Variants in HNRNPM observed in about 807,000 individuals in gnomAD.
The protein encoded by HNRNPM is CEA receptor.
HNRNPM carries 11 observed loss-of-function variants against 73.1 expected under a neutral mutation model. The observed-to-expected ratio is 0.15, with a 90% confidence interval of 0.09 to 0.25. The LOEUF (loss-of-function observed/expected upper bound fraction) is 0.25, where lower values mean the gene tolerates loss of function less well. HNRNPM is among the 10% of genes least tolerant of loss of function. HNRNPM has a pLI of 1.00. For missense variants in HNRNPM, 789 were observed against 1,067.9 expected, an observed-to-expected ratio of 0.74 and a Z score of 3.64; for synonymous variants, 407 against 355.2, an observed-to-expected ratio of 1.15 and a Z score of -1.64.
intron 7 of HNRNPM, among the ~76,000 whole-genome samples, chr19:8,466,703 G>A (rs896086731): frequency 4.6e-5 from 7 of 151,936 alleles, no homozygotes; most frequent in African/African-American, 1.5e-4. Context: ...GTGGGTGCCT[G>A]TAATCCCAGC....
chr19:8,476,606 A>G (rs917613138), intron 12 of HNRNPM, among the ~76,000 whole-genome samples: 3 of 151,512 alleles, frequency 2.0e-5, no homozygotes, highest in African/African-American at 7.3e-5. Context: ...TCAAAAACTG[A>G]CTGTAGTGAG....
At chr19:8,456,715 T>C (rs1419610608) in intron 2 of HNRNPM, among the ~76,000 whole-genome samples, 1 of 152,192 alleles carries the variant, frequency 6.6e-6, no homozygotes, top group African/African-American at 2.4e-5. Context: ...ATTTTGACCA[T>C]GACATGCAAG....
intron 9 of HNRNPM, among the ~76,000 whole-genome samples, 182 bp from the exon 10 acceptor site, chr19:8,471,144 C>T (rs898241628): frequency 4.7e-5 from 7 of 148,052 alleles, no homozygotes; most frequent in South Asian, 4.2e-4. Context: ...TCCCAAACGC[C>T]GGAACAAGGC....
At chr19:8,461,852 G>A (rs1235181530) in intron 2 of HNRNPM, 1 of 152,170 alleles carries the variant, frequency 6.6e-6, no homozygotes, top group Non-Finnish European at 1.5e-5. Flanking sequence ...CTCTACAGAT[G>A]TGGAGCCTAG....
chr19:8,448,737 C>T (rs1353137506), intron 1 of HNRNPM, among the ~76,000 whole-genome samples: 1 of 151,402 alleles, frequency 6.6e-6, no homozygotes, highest in Non-Finnish European at 1.5e-5. Flanking sequence ...CCCGTCTTGG[C>T]CTCCCAAAGT....
chr19:8,455,595 G>C lies in HNRNPM; in HGVS notation c.283+21G>C, dbSNP rs371840435. 1.3e-5 allele frequency: 21 copies of C among 1,600,066 alleles called. No individual in the cohort carries two copies. The African/African-American group carries it at 2.3e-4, about 17-fold the overall frequency. On this transcript the variant is annotated intron_variant, in intron 2 of 15. Coordinates refer to ENST00000325495, the MANE Select transcript of HNRNPM (RefSeq NM_005968.5). ...AAAAGGTAATGGTACTGGTGATTGA[G>C]TAGGGTGAGAAGGTTGGTGTGTCAT...
At chr19:8,447,297 T>C (rs1219927177) in intron 1 of HNRNPM, among the ~76,000 whole-genome samples, 1 of 143,646 alleles carries the variant, frequency 7.0e-6, no homozygotes. Flanking sequence ...CTTAAGGAAA[T>C]CTCTTTAGAA....
intron 9 of HNRNPM, among the ~76,000 whole-genome samples, chr19:8,470,918 GT>G (rs1165089397): frequency 6.6e-6 from 1 of 152,130 alleles, no homozygotes; most frequent in Non-Finnish European, 1.5e-5. Flanking sequence ...TGATTGGCTG[GT>G]TTGTAACGTG....
chr19:8,472,483 A>AC (rs763053830), intron 10 of HNRNPM, among the ~76,000 whole-genome samples: 2 of 152,066 alleles, frequency 1.3e-5, no homozygotes, highest in Non-Finnish European at 2.9e-5. Flanking sequence ...AAACACACAC[A>AC]CCCCATGTCT....
chr19:8,462,084 C>T lies in HNRNPM; in HGVS notation c.284-445C>T, dbSNP rs1599776672. ...GCCTGTGAGCTTATACCTTCGCATA[C>T]GTGCGTCCTTGTATTTATAGCATGT... On this transcript the variant is annotated intron_variant, in intron 2 of 15. Transcript: ENST00000325495. The surrounding 1 kb of genome is among the most constrained non-coding windows in gnomAD (Gnocchi z 4.5). 1 of 173,146 alleles carries T rather than the reference C, an allele frequency of 5.8e-6. No homozygotes were observed. The highest frequency in any genetic ancestry group is 2.4e-5 in the African/African-American group (1 of 42,366). The allele number at this position is 173,146 out of a possible 1,614,324, so 10.7% of individuals were successfully genotyped here.
chr19:8,477,660 CAAAAAAAAAA>C (rs35193948), intron 12 of HNRNPM, among the ~76,000 whole-genome samples: 4 of 117,082 alleles, frequency 3.4e-5, no homozygotes, highest in African/African-American at 1.5e-4. Context: ...AACCCTGTCT[CAAAAAAAAAA>C]AAAAAAAAAA....
intron 7 of HNRNPM, among the ~76,000 whole-genome samples, chr19:8,466,902 G>A (rs1420594909): frequency 6.6e-6 from 1 of 150,984 alleles, no homozygotes; most frequent in Non-Finnish European, 1.5e-5. Context: ...AGAGGGGATG[G>A]TTACAACATG....
chr19:8,468,216 TATA>T (rs1457190284), intron 8 of HNRNPM, among the ~76,000 whole-genome samples: 2 of 152,144 alleles, frequency 1.3e-5, no homozygotes, highest in African/African-American at 4.8e-5. Context: ...AGTATTACAG[TATA>T]ATGTTTGGTT....
Position 8,460,339 on chromosome 19 carries a change from G to A in HNRNPM, c.284-2190G>A, listed in dbSNP as rs369729379. 2.6e-5 allele frequency among the ~76,000 whole-genome samples: 4 copies of A among 152,314 alleles called. No homozygotes were observed. In the South Asian group the frequency reaches 8.3e-4, roughly 32 times the overall value. ...TATTGCAGATCCCTTAACACTTAAT[G>A]GATGGTCTCTCAGGGTAGAGGTTGG... On this transcript the variant is annotated intron_variant, in intron 2 of 15. Transcript: ENST00000325495.
In HNRNPM at chr19:8,444,995, G is replaced by GAAAATGGCGGCAGGGGTC; in HGVS notation, c.-3_15dup. 7.1e-7 allele frequency: 1 copy of GAAAATGGCGGCAGGGGTC among 1,411,466 alleles called. No homozygotes were observed. The highest frequency in any genetic ancestry group is 9.2e-7 in the Non-Finnish European group (1 of 1,083,422). The allele number at this position is 1,411,466 out of a possible 1,614,324, so 87.4% of individuals were successfully genotyped here. On this transcript the variant is annotated 5_prime_UTR_variant, in exon 1 of 16. It adds an upstream start codon to the 5' untranslated region. Transcript: ENST00000325495. ...CGCTCACACAAAGCCCAGACGCGGA[G>GAAAATGGCGGCAGGGGTC]AAAATGGCGGCAGGGGTCGAAGCGG...
At chr19:8,478,613 ATGT>A (rs1474492281) in intron 12 of HNRNPM, among the ~76,000 whole-genome samples, 3 of 152,090 alleles carry the variant, frequency 2.0e-5, no homozygotes, top group East Asian at 1.9e-4. Context: ...TTTAAAAAAG[ATGT>A]TGTTTTAGAC....
intron 10 of HNRNPM, 63 bp downstream of exon 10, chr19:8,471,490 C>T (rs542918011): frequency 8.3e-6 from 7 of 847,762 alleles, no homozygotes; most frequent in Middle Eastern, 2.3e-4. Flanking sequence ...ATTATTGGGA[C>T]AACTGGACTT....
chr19:8,464,023 C>T (rs1236546984), intron 5 of HNRNPM, among the ~76,000 whole-genome samples: 1 of 152,030 alleles, frequency 6.6e-6, no homozygotes, highest in Non-Finnish European at 1.5e-5. Flanking sequence ...CATCTTTTTT[C>T]TTTTTTTAAA....
At chr19:8,455,957 T>TTTC (rs1568264981) in intron 2 of HNRNPM, among the ~76,000 whole-genome samples, 1 of 151,092 alleles carries the variant, frequency 6.6e-6, no homozygotes, top group Non-Finnish European at 1.5e-5. Context: ...TTTTTTTTTT[T>TTTC]TTTAAGCTTT....
Sources: gnomAD v4.1 joint callset for allele counts (sites outside exome capture counted in the v4.1 genomes callset) on GRCh38, gnomAD v4.1.1 for gene constraint, Gnocchi (gnomAD v3.1) non-coding constraint, MANE v1.5 for transcripts, NCBI Gene and HGNC (gene_info 2026-07-23, HGNC 2026-07-21) for gene names.